The following USP16 variants were observed in gnomAD, a reference collection of about 807,000 sequenced individuals.
USP16 encodes ubiquitin carboxyl-terminal hydrolase 16.
In USP16, 77 loss-of-function variants were observed where a neutral mutation model predicts 95.9. The observed-to-expected ratio is 0.80, with a 90% CI of 0.67 to 0.97. The LOEUF is 0.97. Among genes scored for constraint, USP16 ranks in the 50% least tolerant of loss-of-function variants. USP16 has a pLI of 0.00. For missense variants in USP16, 943 were observed against 959.9 expected (o/e 0.98, Z 0.23); for synonymous variants, 303 against 318.2 (o/e 0.95, Z 0.51).
chr21:29,037,404 A>G lies in USP16; in HGVS notation c.577A>G (p.Ile193Val), dbSNP rs756948382. The change falls in exon 6 of 18, where the codon ATA becomes GTA. Residue 193 changes from isoleucine to valine, a missense_variant. Ile to Val is a conservative substitution (Grantham distance 29). Coordinates refer to ENST00000399976, the MANE Select transcript of USP16 (RefSeq NM_006447.3). ...TCCTCCCATGAATTCTCCTTGCCAA[A>G]TAACCGTGAAAGGACTCAGTAATTT... Reference protein sequence around the residue: ...ENPPMNSPCQITVKGLSNLGN... With the variant: ...ENPPMNSPCQVTVKGLSNLGN... 1 of 1,609,450 alleles carries G rather than the reference A, an allele frequency of 6.2e-7. No individual in the cohort carries two copies.
intron 13 of USP16, among the ~76,000 whole-genome samples, chr21:29,044,729 G>T (rs762226368): frequency 3.3e-5 from 5 of 152,270 alleles, no homozygotes; most frequent in Admixed American, 3.3e-4. Flanking sequence ...TTACAGATGT[G>T]AGACACCGTG....
chr21:29,046,029 G>T (rs2085317523), intron 13 of USP16, among the ~76,000 whole-genome samples: 1 of 152,080 alleles, frequency 6.6e-6, no homozygotes. Context: ...TCACCATGTT[G>T]GCCAGGCTGG....
rs1281940647 is a variant in USP16 at position 29,048,069 on chromosome 21, G to GTA, written c.2012-691_2012-690insAT. On this transcript the variant is annotated intron_variant, in intron 14 of 17. Transcript: ENST00000399976. Reference sequence around the variant, plus strand: ...GATACGTGTGTGTGTGTGTGTGTGTGTGTGTGTGTGTGTGTGTGTGTGTGT... The same window carrying GTA: ...GATACGTGTGTGTGTGTGTGTGTGTGTATGTGTGTGTGTGTGTGTGTGTGTGT... Among the ~76,000 whole-genome samples, 996 of 149,826 alleles carry GTA rather than the reference G, an allele frequency of 6.6e-3. 15 individuals are homozygous for GTA. The highest frequency in any genetic ancestry group is 0.023 in the African/African-American group (939 of 40,554).
chr21:29,035,160 T>C (rs1374213594), intron 4 of USP16, among the ~76,000 whole-genome samples: 2 of 152,186 alleles, frequency 1.3e-5, no homozygotes, highest in Non-Finnish European at 2.9e-5. Context: ...TAAGAATCTT[T>C]ACCCCTTTGT....
chr21:29,050,739 G>A (rs1272625911), intron 16 of USP16, among the ~76,000 whole-genome samples: 1 of 152,176 alleles, frequency 6.6e-6, no homozygotes, highest in African/African-American at 2.4e-5. Context: ...GGAGAGTTGA[G>A]AAATGAAGCC....
rs549677388 is a variant in USP16 at position 29,035,758 on chromosome 21, T to C, written c.345-513T>C. Among the ~76,000 whole-genome samples the C allele has an allele frequency of 5.9e-5, 9 of 151,460 alleles. 1 individual carries two copies. The highest frequency in any genetic ancestry group is 2.2e-4 in the African/African-American group (9 of 41,292). On this transcript the variant is annotated intron_variant, in intron 4 of 17. Transcript: ENST00000399976. Reference sequence around the variant, plus strand: ...GTTGAAACCCCATCTCTACTAAAAATACAAAAAAAAAGTAGCTGGGCATGG... The same window carrying C: ...GTTGAAACCCCATCTCTACTAAAAACACAAAAAAAAAGTAGCTGGGCATGG...
At chr21:29,038,973 G>A in intron 7 of USP16, 53 bp from the exon 8 acceptor site, 6 of 1,438,086 alleles carry the variant, frequency 4.2e-6, no homozygotes, top group Non-Finnish European at 5.5e-6. Context: ...TTTTAGTAAA[G>A]TCAGTGATTC....
chr21:29,050,183 G>A lies in USP16; in HGVS notation c.2193+5G>A. 1 of 1,611,050 alleles carries A rather than the reference G, an allele frequency of 6.2e-7. No homozygotes were observed. The highest frequency in any genetic ancestry group is 8.5e-7 in the Non-Finnish European group (1 of 1,179,274). On this transcript the variant is annotated splice_donor_5th_base_variant and intron_variant, in intron 16 of 17. Transcript: ENST00000399976. ...TTTTGCACCCTTAAATGTAAGGTAA[G>A]TCAAAGTGGTCTTTTTCAGGAAAGT...
chr21:29,033,493 T>A (rs1056609034), intron 3 of USP16, among the ~76,000 whole-genome samples: 1 of 152,266 alleles, frequency 6.6e-6, no homozygotes, highest in Non-Finnish European at 1.5e-5. Context: ...GTTGATAGAC[T>A]GGTTCCAGTA....
intron 13 of USP16, among the ~76,000 whole-genome samples, chr21:29,043,922 C>T (rs536702809): frequency 2.0e-5 from 3 of 152,048 alleles, no homozygotes; most frequent in African/African-American, 7.2e-5. Flanking sequence ...ATAAGTCCCC[C>T]TCCCACCACT....
intron 3 of USP16, among the ~76,000 whole-genome samples, chr21:29,032,094 A>G (rs949897381): frequency 1.3e-5 from 2 of 152,268 alleles, no homozygotes; most frequent in East Asian, 3.9e-4. Flanking sequence ...TTGTATAATC[A>G]TACCCACCTC....
Position 29,048,864 on chromosome 21 carries a change from T to C in USP16, c.2106+9T>C, listed in dbSNP as rs778081837. 1.2e-6 allele frequency: 2 copies of C among 1,606,816 alleles called. No homozygotes were observed. The highest frequency in any genetic ancestry group is 8.5e-7 in the Non-Finnish European group (1 of 1,176,242). On this transcript the variant is annotated intron_variant, in intron 15 of 17. Coordinates refer to ENST00000399976, the MANE Select transcript of USP16 (RefSeq NM_006447.3). Reference sequence around the variant, plus strand: ...TAAAGAGATTTCAGCAGGTACTCCTTGTTACCCAAAATTTGTTTTAAATAT... The same window carrying C: ...TAAAGAGATTTCAGCAGGTACTCCTCGTTACCCAAAATTTGTTTTAAATAT...
At chr21:29,027,775 C>A in intron 1 of USP16, 98 bp from the exon 2 acceptor site, 1 of 772,754 alleles carries the variant, frequency 1.3e-6, no homozygotes, top group Non-Finnish European at 2.2e-6. Context: ...ATGTGATAGA[C>A]ATGCATAATA....
chr21:29,043,415 ATT>A lies in USP16; in HGVS notation c.1180-5_1180-4del. 2 of 1,484,130 alleles carry A rather than the reference ATT, an allele frequency of 1.3e-6. No homozygotes were observed. Among genetic ancestry groups the A allele is most frequent in the Non-Finnish European group, 1.8e-6 (2 of 1,121,242 alleles). The allele number at this position is 1,484,130 out of a possible 1,614,324, so 91.9% of individuals were successfully genotyped here. On this transcript the variant is annotated splice_polypyrimidine_tract_variant and splice_region_variant and intron_variant, in intron 12 of 17. Transcript: ENST00000399976. ...TTTGTTTTTGACCTATGTTATCTAT[ATT>A]TTAAGAGTGGTAAGAAAAGTGTAAA...
intron 12 of USP16, 49 bp from the exon 13 acceptor site, chr21:29,043,374 A>G: frequency 7.8e-7 from 1 of 1,279,004 alleles, no homozygotes; most frequent in Non-Finnish European, 1.0e-6. Context: ...TTTTCACCAA[A>G]TGGTAGTTGT....
intron 16 of USP16, chr21:29,052,892 G>A (rs540404547): frequency 4.3e-4 from 65 of 152,254 alleles, no homozygotes; most frequent in Non-Finnish European, 7.2e-4. Context: ...AGGCTGAGGC[G>A]GGAGGATCAC....
chr21:29,034,724 A>G, intron 3 of USP16, 113 bp from the exon 4 acceptor site: 1 of 965,274 alleles, frequency 1.0e-6, no homozygotes, highest in Non-Finnish European at 1.6e-6. Context: ...TCTTTTCAAG[A>G]TTGTAAGAAT....
Position 29,046,887 on chromosome 21 carries a change from C to T in USP16, c.1577C>T (p.Thr526Ile). 1.9e-6 allele frequency: 3 copies of T among 1,614,058 alleles called. No individual in the cohort carries two copies. The highest frequency in any genetic ancestry group is 2.5e-6 in the Non-Finnish European group (3 of 1,179,994). The change falls in exon 14 of 18, where the codon ACT (threonine) becomes ATT (isoleucine). Residue 526 changes from threonine to isoleucine, a missense_variant. Transcript: ENST00000399976. ...CAAGCAAAAATGATCGAAAGTGTAA[C>T]TGACAATCAAAAATCCACAGAGGAA... ...NGQAKMIESV[T>I]DNQKSTEEVD...
chr21:29,028,369 C>T (rs547625352), intron 2 of USP16, among the ~76,000 whole-genome samples: 67 of 151,530 alleles, frequency 4.4e-4, no homozygotes, highest in Admixed American at 1.4e-3. Context: ...TCAAGTGATC[C>T]GCCTGCCTTG....
Sources: allele counts gnomAD v4.1 joint callset (sites outside exome capture counted in the v4.1 genomes callset), GRCh38; gene constraint gnomAD v4.1.1; transcripts MANE v1.5; gene names NCBI Gene and HGNC (gene_info 2026-07-23, HGNC 2026-07-21).